The following STARD9 variants were observed in gnomAD, a reference collection of about 807,000 sequenced individuals.
STARD9 encodes the protein StAR related lipid transfer domain containing 9, also known as stAR-related lipid transfer protein 9.
Under a neutral mutation model 399.8 loss-of-function variants are expected in STARD9, and 346 were observed. That is an observed-to-expected ratio of 0.87 (90% confidence interval 0.79 to 0.95). The LOEUF is 0.95. STARD9 is among the 40% of genes least tolerant of loss of function. The pLI is 0.00. For synonymous variants in STARD9, 2,203 were observed against 2,143.5 expected (o/e 1.03, Z -0.77); for missense variants, 5,832 against 5,667.5 (o/e 1.03, Z -0.93).
At chr15:42,589,316 T>C (rs547548736) in intron 3 of STARD9, among the ~76,000 whole-genome samples, 2 of 152,290 alleles carry the variant, frequency 1.3e-5, no homozygotes, top group African/African-American at 4.8e-5. Context: ...CTTCCCAAAG[T>C]GTTGGGATTA....
In STARD9 at chr15:42,690,236, A is replaced by G. The variant is rs1454177594; in HGVS notation, c.8658A>G (p.Glu2886=). The change falls in exon 23 of 33, where the codon GAA becomes GAG. Residue 2886 remains glutamate, a synonymous_variant. Transcript: ENST00000290607. The part of the protein sequence containing the change: ...CKESVGSGLT[E]VCRAGSKHSR... The stretch of plus-strand genomic sequence containing the variant: ...AGAGTGTTGGGTCTGGGTTGACAGA[A>G]GTCTGCAGGGCTGGCAGCAAACATT... 3.9e-6 allele frequency: 6 copies of G among 1,537,576 alleles called. No homozygotes were observed. The highest frequency in any genetic ancestry group is 5.2e-6 in the Non-Finnish European group (6 of 1,146,980).
rs202110998 is a variant in STARD9 at position 42,692,514 on chromosome 15, G to T, written c.10936G>T (p.Gly3646Cys). 1 of 1,537,020 alleles carries T rather than the reference G, an allele frequency of 6.5e-7. No individual in the cohort carries two copies. Among genetic ancestry groups the T allele is most frequent in the Non-Finnish European group, 8.7e-7 (1 of 1,146,912 alleles). Reference sequence around the variant, plus strand: ...ATTCGAACAGGGCACACAGACCCTCGGCAGCAGGCGCCACTGGAGCAGCAC... The same window carrying T: ...ATTCGAACAGGGCACACAGACCCTCTGCAGCAGGCGCCACTGGAGCAGCAC... Reference protein sequence around the residue: ...NTFEQGTQTLGSRRHWSSTDI... With the variant: ...NTFEQGTQTLCSRRHWSSTDI... The change falls in exon 23 of 33, where the codon GGC (glycine) becomes TGC (cysteine). Residue 3646 changes from glycine (G) to cysteine (C), a missense_variant. Physicochemically the swap from Gly to Cys is radical, Grantham distance 159. This residue lies in a region of STARD9 where 5,828 missense variants were observed against 5,651.1 expected (regional missense o/e 1.03). Coordinates refer to ENST00000290607, the MANE Select transcript of STARD9 (RefSeq NM_020759.3).
At position 42,669,337 on chromosome 15, in the gene STARD9, G is replaced by A. The variant is rs893831011; in HGVS notation, c.1497G>A (p.Lys499=). The A allele has an allele frequency of 9.9e-6, 15 of 1,510,560 alleles. No homozygotes were observed. The highest frequency in any genetic ancestry group is 5.5e-5 in the African/African-American group (4 of 72,786). 93.6% of individuals were successfully genotyped at this position (1,510,560 alleles called of 1,614,324 possible). The part of the protein sequence containing the change: ...LSTGVVLYHL[K]EGTTKIGRID... The stretch of plus-strand genomic sequence containing the variant: ...CAGGTGTTGTGCTCTATCATCTCAA[G>A]GTGAGGAGGCTAGTGTATCCTTTTC... Residue 499 remains lysine (K), a splice_region_variant and synonymous_variant, in exon 16 of 33, where the codon AAG becomes AAA. Coordinates refer to ENST00000290607, the MANE Select transcript of STARD9 (RefSeq NM_020759.3).
At chr15:42,658,371 T>A (rs2059920199) in intron 9 of STARD9, among the ~76,000 whole-genome samples, 1 of 151,814 alleles carries the variant, frequency 6.6e-6, no homozygotes, top group South Asian at 2.1e-4. Flanking sequence ...AGACAAGGTC[T>A]CGTTATGTTG....
intron 3 of STARD9, among the ~76,000 whole-genome samples, chr15:42,626,372 C>CTCCTCT (rs1437897984): frequency 1.0e-5 from 1 of 97,824 alleles, no homozygotes; most frequent in African/African-American, 6.1e-5. Flanking sequence ...CCTCTTCTTC[C>CTCCTCT]TCCTCTTCCT....
At chr15:42,630,395 A>C (rs1225152989) in intron 3 of STARD9, among the ~76,000 whole-genome samples, 1 of 151,844 alleles carries the variant, frequency 6.6e-6, no homozygotes, top group East Asian at 1.9e-4. Context: ...TTAGCCTGTA[A>C]TTTTCTTTTT....
At position 42,591,358 on chromosome 15, in the gene STARD9, C is replaced by T. The variant is rs773669948; in HGVS notation, c.234+5721C>T. ...CAGAAAATAGCCAGGCATGGTGGTG[C>T]ATGCCTGTAATCCGAGCTACTCGGG... is the stretch of plus-strand genomic sequence containing the variant. On this transcript the variant is annotated intron_variant, in intron 3 of 32. Coordinates refer to ENST00000290607, the MANE Select transcript of STARD9 (RefSeq NM_020759.3). 8.3e-4 allele frequency among the ~76,000 whole-genome samples: 126 copies of T among 152,258 alleles called. 1 individual carries two copies. The highest frequency in any genetic ancestry group is 1.8e-3 in the Admixed American group (27 of 15,290).
chr15:42,615,518 C>T (rs900764758), intron 3 of STARD9, among the ~76,000 whole-genome samples: 7 of 151,662 alleles, frequency 4.6e-5, no homozygotes, highest in Non-Finnish European at 1.0e-4. Flanking sequence ...AATAACATCC[C>T]ATTTTTAAAA....
intron 3 of STARD9, among the ~76,000 whole-genome samples, chr15:42,607,689 T>A (rs1483947476): frequency 9.2e-6 from 1 of 108,204 alleles, no homozygotes; most frequent in African/African-American, 3.5e-5. Context: ...CACACACAAA[T>A]ATATATTTGA....
Position 42,689,215 on chromosome 15 carries a change from C to G in STARD9, c.7637C>G (p.Ser2546Cys), listed in dbSNP as rs1349147467. 4 of 1,537,284 alleles carry G rather than the reference C, an allele frequency of 2.6e-6. No homozygotes were observed. The highest frequency in any genetic ancestry group is 3.5e-6 in the Non-Finnish European group (4 of 1,146,928). Residue 2546 changes from serine to cysteine, a missense_variant, in exon 23 of 33, where the codon TCC becomes TGC. Physicochemically the swap from Ser to Cys is moderately radical, Grantham distance 112. Around this residue, in one of 2 missense-constraint regions of STARD9, gnomAD observed 5,828 missense variants for 5,651.1 expected, o/e 1.03. Coordinates refer to ENST00000290607, the MANE Select transcript of STARD9 (RefSeq NM_020759.3). ...CTGTTGGAGCCCTCTGACCATGCATCCATGTGCCTGGCCATCTTGGAGGAG... is the reference window on the plus strand; with the variant it reads ...CTGTTGGAGCCCTCTGACCATGCATGCATGTGCCTGGCCATCTTGGAGGAG... ...PRLLEPSDHASMCLAILEEIR... is the reference protein window; with the variant it reads ...PRLLEPSDHACMCLAILEEIR...
chr15:42,688,857 A>C lies in STARD9; in HGVS notation c.7279A>C (p.Ser2427Arg), dbSNP rs2060623366. The part of the protein sequence containing the change: ...GSHSQSGVPE[S>R]IPLGTEDRIS... Reference sequence around the variant, plus strand: ...TCATAGTCAATCTGGTGTACCAGAGAGCATTCCTCTGGGGACAGAGGACAG... The same window carrying C: ...TCATAGTCAATCTGGTGTACCAGAGCGCATTCCTCTGGGGACAGAGGACAG... Residue 2427 changes from serine (S) to arginine (R), a missense_variant, in exon 23 of 33, where the codon AGC (serine) becomes CGC (arginine). Ser to Arg is a moderately radical substitution (Grantham distance 110, BLOSUM62 -1). Coordinates refer to ENST00000290607, the MANE Select transcript of STARD9 (RefSeq NM_020759.3). The C allele has an allele frequency of 6.5e-7, 1 of 1,536,988 alleles. No homozygotes were observed. Among genetic ancestry groups the C allele is most frequent in the Admixed American group, 2.0e-5 (1 of 50,974 alleles).
intron 3 of STARD9, among the ~76,000 whole-genome samples, chr15:42,626,159 G>T (rs1166997984): frequency 3.9e-5 from 6 of 151,998 alleles, no homozygotes; most frequent in African/African-American, 1.5e-4. Context: ...CCTGACCTCA[G>T]GTGATCTGCC....
At chr15:42,665,211 A>G in intron 13 of STARD9, 42 bp from the exon 14 acceptor site, 1 of 1,464,230 alleles carries the variant, frequency 6.8e-7, no homozygotes, top group African/African-American at 1.4e-5. Context: ...GCTGAGTGGG[A>G]CTTGATAACA....
intron 26 of STARD9, among the ~76,000 whole-genome samples, chr15:42,699,393 T>TTTTC (rs990987441): frequency 1.8e-5 from 2 of 114,144 alleles, no homozygotes; most frequent in African/African-American, 8.0e-5. Flanking sequence ...TTTTCTTTTC[T>TTTTC]TTTTTTTTTT....
chr15:42,649,090 C>T (rs189904276), intron 7 of STARD9, among the ~76,000 whole-genome samples: 46 of 151,776 alleles, frequency 3.0e-4, no homozygotes, highest in East Asian at 1.6e-3. Flanking sequence ...AGTGCAATGG[C>T]GCAATCTCAG....
Position 42,682,129 on chromosome 15 carries a change from G to T in STARD9, c.2091G>T (p.Glu697Asp). ...KENQQCLLRE[E>D]TWLASLQQQQ... ...ACCAGCAGTGTCTGCTCAGAGAAGA[G>T]ACCTGGCTGGCCAGCTTGCAACAGC... Residue 697 changes from glutamate (E) to aspartate (D), a missense_variant, in exon 22 of 33, where the codon GAG (glutamate) becomes GAT (aspartate). Physicochemically the swap from Glu to Asp is conservative, Grantham distance 45. Around this residue, in one of 2 missense-constraint regions of STARD9, gnomAD observed 5,828 missense variants for 5,651.1 expected, o/e 1.03. Transcript: ENST00000290607. The T allele has an allele frequency of 6.5e-7, 1 of 1,537,190 alleles. No homozygotes were observed. The highest frequency in any genetic ancestry group is 1.2e-5 in the South Asian group (1 of 84,042).
At position 42,687,263 on chromosome 15, in the gene STARD9, C is replaced by T. The variant is rs16957052; in HGVS notation, c.5685C>T (p.Cys1895=). ...EGGEVTAQSC[C]GASSDSTESG... is the part of the protein sequence containing the mutation. ...GAGAGGTCACTGCTCAGTCCTGTTGCGGTGCTTCCTCAGACAGCACTGAGT... is the reference window on the plus strand; with the variant it reads ...GAGAGGTCACTGCTCAGTCCTGTTGTGGTGCTTCCTCAGACAGCACTGAGT... Residue 1895 remains cysteine, a synonymous_variant, in exon 23 of 33, where the codon TGC becomes TGT. Transcript: ENST00000290607. 12,720 of 1,536,852 alleles carry T rather than the reference C, an allele frequency of 8.3e-3. 736 individuals are homozygous for T. The African/African-American group carries it at 0.14, about 17-fold the overall frequency.
intron 9 of STARD9, among the ~76,000 whole-genome samples, chr15:42,654,829 G>A (rs1463529431): frequency 1.3e-5 from 2 of 152,208 alleles, no homozygotes; most frequent in African/African-American, 4.8e-5. Context: ...GGTAGAATCA[G>A]TATTGTGAAA....
chr15:42,645,563 A>ATT (rs773050530), intron 7 of STARD9, among the ~76,000 whole-genome samples: 7 of 141,194 alleles, frequency 5.0e-5, no homozygotes, highest in Non-Finnish European at 7.8e-5. Flanking sequence ...GGGCCCTAGG[A>ATT]TTTTTTTTTT....
Sources: allele counts gnomAD v4.1 joint callset (sites outside exome capture counted in the v4.1 genomes callset), GRCh38; gene constraint gnomAD v4.1.1; regional missense constraint gnomAD v4.1.1; transcripts MANE v1.5; gene names NCBI Gene and HGNC (gene_info 2026-07-23, HGNC 2026-07-21).